The following ANAPC1 variants were observed in gnomAD, a reference collection of about 807,000 sequenced individuals.
The protein encoded by ANAPC1 is anaphase promoting complex subunit 1.
A neutral mutation model predicts 208.0 loss-of-function variants in ANAPC1; 36 were observed. The ratio of observed to expected loss-of-function variants is 0.17; its 90% CI spans 0.13 to 0.23. ANAPC1 has a LOEUF of 0.23. Ranked by LOEUF, ANAPC1 falls within the 10% of genes least tolerant of loss-of-function variation. The pLI, the probability that ANAPC1 is intolerant of heterozygous loss-of-function variation, is 1.00. For missense variants in ANAPC1, 942 were observed against 2,011.6 expected (o/e 0.47, Z 10.17); for synonymous variants, 378 against 695.2 (o/e 0.54, Z 7.18).
chr2:111,821,171 C>T, intron 26 of ANAPC1, 68 bp downstream of exon 26: 1 of 1,577,682 alleles, frequency 6.3e-7, no homozygotes. Flanking sequence ...GAAGGAAAAA[C>T]AAATATACAC....
At chr2:111,865,716 A>T (rs1246980577) in intron 7 of ANAPC1, 1 of 155,540 alleles carries the variant, frequency 6.4e-6, no homozygotes, top group East Asian at 1.9e-4. Context: ...CATCACAAAT[A>T]AGCAACTTCT....
chr2:111,825,084 ATTGTT>A, intron 23 of ANAPC1, 42 bp downstream of exon 23: 2 of 1,613,864 alleles, frequency 1.2e-6, no homozygotes, highest in Non-Finnish European at 1.7e-6. Context: ...AGTAAATAAT[ATTGTT>A]TTAAGTGTTT....
At chr2:111,770,185 CTAA>C (rs1676654251) in intron 47 of ANAPC1, among the ~76,000 whole-genome samples, 1 of 72,054 alleles carries the variant, frequency 1.4e-5, no homozygotes, top group African/African-American at 5.7e-5. Flanking sequence ...TGTGAAACTA[CTAA>C]TATTGTTTAA....
chr2:111,777,870 G>A (rs1677071915), intron 45 of ANAPC1, among the ~76,000 whole-genome samples: 1 of 152,006 alleles, frequency 6.6e-6, no homozygotes, highest in African/African-American at 2.4e-5. Flanking sequence ...TAGACACTGA[G>A]TCTCAGATGC....
intron 6 of ANAPC1, among the ~76,000 whole-genome samples, chr2:111,868,966 C>T (rs1371046230): frequency 2.0e-5 from 3 of 152,198 alleles, no homozygotes; most frequent in Non-Finnish European, 4.4e-5. Context: ...CCACAACATG[C>T]CTGACAGGTG....
chr2:111,860,423 T>C (rs1681994966), intron 10 of ANAPC1, among the ~76,000 whole-genome samples: 1 of 147,000 alleles, frequency 6.8e-6, no homozygotes, highest in Non-Finnish European at 1.5e-5. Flanking sequence ...TTCATTCCTA[T>C]TCAAAGGCAA....
At chr2:111,882,844 A>G (rs2104624199) in intron 1 of ANAPC1, among the ~76,000 whole-genome samples, 1 of 152,104 alleles carries the variant, frequency 6.6e-6, no homozygotes, top group East Asian at 1.9e-4. Flanking sequence ...GGACACTTGA[A>G]CTTGGAACAC....
intron 14 of ANAPC1, among the ~76,000 whole-genome samples, chr2:111,850,207 G>C (rs1279602147): frequency 1.3e-5 from 2 of 150,950 alleles, no homozygotes; most frequent in African/African-American, 2.4e-5. Flanking sequence ...CAGATTTATT[G>C]AGTCCTTATG....
At chr2:111,827,750 T>C (rs1015096688) in intron 21 of ANAPC1, among the ~76,000 whole-genome samples, 4 of 151,910 alleles carry the variant, frequency 2.6e-5, no homozygotes, top group Non-Finnish European at 5.9e-5. Flanking sequence ...AGTAAGACCT[T>C]GTCTCAAATA....
At chr2:111,810,529 A>G (rs1156847131) in intron 28 of ANAPC1, among the ~76,000 whole-genome samples, 1 of 151,542 alleles carries the variant, frequency 6.6e-6, no homozygotes, top group Non-Finnish European at 1.5e-5. Flanking sequence ...TGTGAAGTGA[A>G]AGAGTTTAGT....
intron 46 of ANAPC1, among the ~76,000 whole-genome samples, chr2:111,775,249 A>T (rs1190852616): frequency 6.6e-6 from 1 of 152,218 alleles, no homozygotes; most frequent in African/African-American, 2.4e-5. Context: ...CTGGCGACAG[A>T]GCGAGACTCT....
In ANAPC1 at chr2:111,802,184, T is replaced by C. The variant is rs899922097; in HGVS notation, c.4221+244A>G. ...TCAAATGAACACTGCCAATTAGATA[T>C]GCATGACAAATTAAAAATAAAAGGC... is the stretch of plus-strand genomic sequence containing the variant. On this transcript the variant is annotated intron_variant, in intron 33 of 47. Coordinates refer to ENST00000341068, the MANE Select transcript of ANAPC1 (RefSeq NM_022662.4). 3.3e-5 allele frequency among the ~76,000 whole-genome samples: 5 copies of C among 152,076 alleles called. No homozygotes were observed. The South Asian group carries it at 6.3e-4, about 19-fold the overall frequency.
At chr2:111,824,478 A>G (rs1281533889) in intron 24 of ANAPC1, among the ~76,000 whole-genome samples, 1 of 152,114 alleles carries the variant, frequency 6.6e-6, no homozygotes, top group Admixed American at 6.6e-5. Flanking sequence ...TTTGGGGAAT[A>G]GGGAATATAG....
intron 14 of ANAPC1, among the ~76,000 whole-genome samples, chr2:111,848,736 C>T (rs1262886214): frequency 1.3e-5 from 2 of 150,172 alleles, no homozygotes; most frequent in African/African-American, 2.5e-5. Flanking sequence ...GAGATTGCCC[C>T]ACTGTACTCC....
At chr2:111,855,583 G>A (rs1681658609) in intron 13 of ANAPC1, among the ~76,000 whole-genome samples, 1 of 152,114 alleles carries the variant, frequency 6.6e-6, no homozygotes, top group South Asian at 2.1e-4. Context: ...ATATAATGTT[G>A]AGCAAAATAA....
At chr2:111,851,734 CG>C (rs1314127647) in intron 13 of ANAPC1, among the ~76,000 whole-genome samples, 1 of 151,182 alleles carries the variant, frequency 6.6e-6, no homozygotes, top group African/African-American at 2.4e-5. Flanking sequence ...GGTGTGAACC[CG>C]GCAGGCAGAA....
At chr2:111,858,789 C>A (rs886162390) in intron 10 of ANAPC1, among the ~76,000 whole-genome samples, 3 of 144,072 alleles carry the variant, frequency 2.1e-5, no homozygotes, top group East Asian at 2.0e-4. Flanking sequence ...AAAAAAAAGT[C>A]TTTGAAAATA....
At position 111,875,354 on chromosome 2, in the gene ANAPC1, C is replaced by A. The variant is rs1336935409; in HGVS notation, c.376-1690G>T. Among the ~76,000 whole-genome samples, 3 of 151,270 alleles carry A rather than the reference C, an allele frequency of 2.0e-5. 1 individual carries two copies. Among genetic ancestry groups the A allele is most frequent in the African/African-American group, 7.3e-5 (3 of 41,254 alleles). ...ACCATGCATGAGAGCTGTGCTCCAACCTGAAATGTCCAAAATCTACAATGC... is the reference window on the plus strand; with the variant it reads ...ACCATGCATGAGAGCTGTGCTCCAAACTGAAATGTCCAAAATCTACAATGC... On this transcript the variant is annotated intron_variant, in intron 3 of 47. Transcript: ENST00000341068.
At position 111,878,969 on chromosome 2, in the gene ANAPC1, T is replaced by G; in HGVS notation, c.216A>C (p.Glu72Asp). 1 of 1,585,076 alleles carries G rather than the reference T, an allele frequency of 6.3e-7. No individual in the cohort carries two copies. ...TTACTCCTTTCCTTAACTGCCAGCT[T>G]TCCTTAAAAATTAACACATGTAAAA... ...QEVTIHEKQK[E>D]SWQLRKGVSE... The change falls in exon 3 of 48, where the codon GAA becomes GAC. Residue 72 changes from glutamate (E) to aspartate (D), a missense_variant and splice_region_variant. By Grantham distance (45) the Glu-to-Asp change is conservative (BLOSUM62 2). Transcript: ENST00000341068.
Sources: gnomAD v4.1 joint callset for allele counts (sites outside exome capture counted in the v4.1 genomes callset) on GRCh38, gnomAD v4.1.1 for gene constraint, MANE v1.5 for transcripts, NCBI Gene and HGNC (gene_info 2026-07-23, HGNC 2026-07-21) for gene names.